Variants in ZFAND3 observed in about 807,000 individuals in gnomAD.
ZFAND3 encodes the protein AN1-type zinc finger protein 3.
ZFAND3 carries 10 observed loss-of-function variants against 29.6 expected under a neutral mutation model. The observed-to-expected ratio is 0.34, with a 90% CI of 0.21 to 0.57. The LOEUF (loss-of-function observed/expected upper bound fraction) is 0.57, where lower values mean the gene tolerates loss of function less well. Ranked by LOEUF, ZFAND3 falls within the 20% of genes least tolerant of loss-of-function variation. The pLI, the probability that ZFAND3 is intolerant of heterozygous loss-of-function variation, is 0.86. For synonymous variants in ZFAND3, 128 were observed against 112.6 expected (o/e 1.14, Z -0.87); for missense variants, 230 against 304.5 (o/e 0.76, Z 1.82).
At chr6:38,145,861 C>G (rs1048048177) in intron 5 of ZFAND3, among the ~76,000 whole-genome samples, 1 of 152,122 alleles carries the variant, frequency 6.6e-6, no homozygotes, top group Non-Finnish European at 1.5e-5. Context: ...CCTGTCCTTC[C>G]GAGAGAAGTG....
chr6:37,920,557 G>C (rs776187599), intron 1 of ZFAND3, among the ~76,000 whole-genome samples: 1 of 152,146 alleles, frequency 6.6e-6, no homozygotes, highest in Non-Finnish European at 1.5e-5. Flanking sequence ...TTGCTCTGCT[G>C]TCCTTGAATT....
intron 2 of ZFAND3, among the ~76,000 whole-genome samples, chr6:37,951,586 C>G (rs1339807346): frequency 6.6e-6 from 1 of 151,980 alleles, no homozygotes; most frequent in Non-Finnish European, 1.5e-5. Flanking sequence ...CAGGGAGACT[C>G]TGTCTAAAAA....
At position 37,870,482 on chromosome 6, in the gene ZFAND3, C is replaced by A. The variant is rs150846617; in HGVS notation, c.71+50466C>A. ...CCAGGCATGGTGGCACGCGCCAATC[C>A]CAGCTACTTGGGAAGCTGAGGCAGG... On this transcript the variant is annotated intron_variant, in intron 1 of 5. Transcript: ENST00000287218. Among the ~76,000 whole-genome samples, 32 of 151,142 alleles carry A rather than the reference C, an allele frequency of 2.1e-4. 1 individual carries two copies. The East Asian group carries it at 6.2e-3, about 29-fold the overall frequency.
chr6:37,886,724 G>A (rs552756380), intron 1 of ZFAND3, among the ~76,000 whole-genome samples: 4 of 152,316 alleles, frequency 2.6e-5, no homozygotes, highest in East Asian at 1.9e-4. Context: ...TCTGGACGTG[G>A]TGGTTCACGC....
intron 1 of ZFAND3, among the ~76,000 whole-genome samples, chr6:37,866,546 A>T (rs1764593854): frequency 6.6e-6 from 1 of 152,238 alleles, no homozygotes; most frequent in Non-Finnish European, 1.5e-5. Context: ...GTTTGAAATT[A>T]AAATATTGGC....
chr6:37,864,738 T>TACACACACACACACAC lies in ZFAND3; in HGVS notation c.71+44740_71+44755dup, dbSNP rs70977698. Among the ~76,000 whole-genome samples the TACACACACACACACAC allele has an allele frequency of 3.4e-5, 5 of 148,876 alleles. No individual in the cohort carries two copies. In the South Asian group the frequency reaches 8.5e-4, roughly 25 times the overall value. ...TTATGTATGTTTATATATGTGGTTA[T>TACACACACACACACAC]ACACACACACACACACACACACACA... On this transcript the variant is annotated intron_variant, in intron 1 of 5. Coordinates refer to ENST00000287218, the MANE Select transcript of ZFAND3 (RefSeq NM_021943.3).
chr6:37,862,844 G>A (rs780027037), intron 1 of ZFAND3, among the ~76,000 whole-genome samples: 3 of 150,692 alleles, frequency 2.0e-5, no homozygotes, highest in Non-Finnish European at 4.4e-5. Flanking sequence ...AAATTTTGCT[G>A]GGAAAAAAAA....
chr6:37,839,845 A>G (rs1226908642), intron 1 of ZFAND3, among the ~76,000 whole-genome samples: 1 of 152,040 alleles, frequency 6.6e-6, no homozygotes, highest in Non-Finnish European at 1.5e-5. Flanking sequence ...TCTGGTTACT[A>G]GTTATTTATC....
chr6:37,884,331 T>TA (rs1397455176), intron 1 of ZFAND3, among the ~76,000 whole-genome samples: 2 of 142,420 alleles, frequency 1.4e-5, no homozygotes, highest in East Asian at 3.9e-4. Context: ...TTATCTTTAC[T>TA]AAAAAATACA....
chr6:38,027,149 G>A (rs1194039820), intron 2 of ZFAND3, among the ~76,000 whole-genome samples: 1 of 152,180 alleles, frequency 6.6e-6, no homozygotes, highest in Non-Finnish European at 1.5e-5. Flanking sequence ...TTGTCTTGGG[G>A]TTACAAACAT....
intron 1 of ZFAND3, among the ~76,000 whole-genome samples, chr6:37,902,906 C>G (rs1415232633): frequency 1.3e-5 from 2 of 151,990 alleles, no homozygotes; most frequent in Non-Finnish European, 2.9e-5. Flanking sequence ...TAACATTTTA[C>G]AAACATTACC....
intron 5 of ZFAND3, among the ~76,000 whole-genome samples, chr6:38,142,626 T>C (rs1765986257): frequency 6.6e-6 from 1 of 152,138 alleles, no homozygotes; most frequent in South Asian, 2.1e-4. Context: ...GAAAGGAGGA[T>C]AAGGTCGTTC....
intron 3 of ZFAND3, among the ~76,000 whole-genome samples, chr6:38,067,981 G>A (rs1764379319): frequency 6.6e-6 from 1 of 152,166 alleles, no homozygotes; most frequent in South Asian, 2.1e-4. Context: ...AGGCAGGAGA[G>A]GAAGAGAACT....
chr6:37,964,072 C>T (rs546914521), intron 2 of ZFAND3, among the ~76,000 whole-genome samples: 1 of 152,006 alleles, frequency 6.6e-6, no homozygotes, highest in African/African-American at 2.4e-5. Context: ...TTCTTTTTTC[C>T]CCCCTCAGGT....
intron 5 of ZFAND3, among the ~76,000 whole-genome samples, chr6:38,146,724 TC>T (rs1414442021): frequency 6.6e-6 from 1 of 152,182 alleles, no homozygotes; most frequent in Non-Finnish European, 1.5e-5. Context: ...CCATGACTCT[TC>T]CTCTCTCTTT....
Position 37,819,846 on chromosome 6 carries a change from C to G in ZFAND3, c.-100C>G, listed in dbSNP as rs1763624393. On this transcript the variant is annotated 5_prime_UTR_variant, in exon 1 of 6. Transcript: ENST00000287218. ...CCCGCTCCTTCCCCCTCCCCCCGCC[C>G]CGAGCCCCCCGACGCCGCCGCCACC... The G allele has an allele frequency of 1.2e-6, 1 of 832,564 alleles. No individual in the cohort carries two copies. Among genetic ancestry groups the G allele is most frequent in the African/African-American group, 1.8e-5 (1 of 54,762 alleles). 51.6% of individuals were successfully genotyped at this position (832,564 alleles called of 1,614,324 possible). A position where few individuals can be genotyped will look rare whatever the true frequency, so the allele number is the denominator to read the frequency against.
intron 2 of ZFAND3, among the ~76,000 whole-genome samples, chr6:37,977,871 T>C (rs201276736): frequency 0.014 from 543 of 38,924 alleles, 5 homozygotes; most frequent in African/African-American, 0.035. Flanking sequence ...TTCCTTCCTT[T>C]CCTTCTTCCT....
At chr6:37,868,205 T>G (rs1764623470) in intron 1 of ZFAND3, among the ~76,000 whole-genome samples, 1 of 152,256 alleles carries the variant, frequency 6.6e-6, no homozygotes, top group Non-Finnish European at 1.5e-5. Context: ...TGGTTTTTCT[T>G]CTTTATTCTG....
At chr6:38,034,733 A>G (rs1323311454) in intron 2 of ZFAND3, among the ~76,000 whole-genome samples, 1 of 152,202 alleles carries the variant, frequency 6.6e-6, no homozygotes, top group Non-Finnish European at 1.5e-5. Context: ...TCTAGACAAA[A>G]GAGGAATTAA....
Sources: gnomAD v4.1 joint callset for allele counts (sites outside exome capture counted in the v4.1 genomes callset) on GRCh38, gnomAD v4.1.1 for gene constraint, MANE v1.5 for transcripts, NCBI Gene and HGNC (gene_info 2026-07-23, HGNC 2026-07-21) for gene names.